The following ABHD2 variants were observed in gnomAD, a reference collection of about 807,000 sequenced individuals.
ABHD2 encodes monoacylglycerol lipase ABHD2.
ABHD2 carries 20 observed loss-of-function variants against 48.1 expected under a neutral mutation model. The ratio of observed to expected loss-of-function variants is 0.42; its 90% CI spans 0.29 to 0.60. ABHD2 has a LOEUF of 0.60. Ranked by LOEUF, ABHD2 falls within the 20% of genes least tolerant of loss-of-function variation. The probability of loss-of-function intolerance (pLI) is 0.24; values close to 1 mark genes in which losing one functional copy is unlikely to be tolerated. For missense variants in ABHD2, 405 were observed against 550.9 expected, an observed-to-expected ratio of 0.74 and a Z score of 2.65; for synonymous variants, 209 against 214.2, an observed-to-expected ratio of 0.98 and a Z score of 0.21.
the ABHD2 span, among the ~76,000 whole-genome samples, chr15:89,069,344 C>A: frequency 6.6e-6 from 1 of 151,838 alleles, no homozygotes; most frequent in Non-Finnish European, 1.5e-5. Flanking sequence ...CCAAGGCTGG[C>A]CTCAAACTCC....
rs2051168157 is a variant in ABHD2 at position 89,184,238 on chromosome 15, TG to T, written c.723-1184del. ...GGAAATGTTTGTCACTCCAAAACTG[TG>T]GAATTTTGCCATTCTAAAATTGTAG... is the stretch of plus-strand genomic sequence containing the variant. On this transcript the variant is annotated intron_variant, in intron 6 of 10. Transcript: ENST00000352732. This position sits in a 1 kb window ranked among gnomAD's most constrained non-coding sequence, Gnocchi z 5.1. 6.6e-6 allele frequency among the ~76,000 whole-genome samples: 1 copy of T among 152,206 alleles called. No homozygotes were observed. The highest frequency in any genetic ancestry group is 1.5e-5 in the Non-Finnish European group (1 of 68,050).
chr15:89,149,739 G>A (rs750383439), intron 3 of ABHD2, among the ~76,000 whole-genome samples: 5 of 152,370 alleles, frequency 3.3e-5, no homozygotes, highest in Non-Finnish European at 4.4e-5. Flanking sequence ...TCAACACCAC[G>A]TGTACCTGTT....
intron 5 of ABHD2, among the ~76,000 whole-genome samples, chr15:89,158,874 G>A (rs2050716705): frequency 6.6e-6 from 1 of 151,606 alleles, no homozygotes; most frequent in Non-Finnish European, 1.5e-5. Flanking sequence ...ATGTTGTCCA[G>A]GCTGGTCTCG....
intron 3 of ABHD2, among the ~76,000 whole-genome samples, chr15:89,129,601 C>T (rs1344125147): frequency 2.0e-5 from 3 of 151,954 alleles, no homozygotes; most frequent in African/African-American, 7.3e-5. Context: ...TCCAGGGGCC[C>T]AAGTGAGAGG....
chr15:89,116,273 C>T lies in ABHD2; in HGVS notation c.-6-49C>T. The T allele has an allele frequency of 1.3e-6, 2 of 1,555,826 alleles. No homozygotes were observed. The highest frequency in any genetic ancestry group is 1.8e-6 in the Non-Finnish European group (2 of 1,142,548). On this transcript the variant is annotated intron_variant, in intron 2 of 10. Coordinates refer to ENST00000352732, the MANE Select transcript of ABHD2 (RefSeq NM_152924.5). This position sits in a 1 kb window ranked among gnomAD's most constrained non-coding sequence, Gnocchi z 4.6. ...TGCGTCTGTAGGGTGGTGGGCACCA[C>T]CCGTCCTCACTGTGCTTGTAAACTT...
At chr15:89,057,779 AAAAAG>A in the ABHD2 span, among the ~76,000 whole-genome samples, 3 of 151,988 alleles carry the variant, frequency 2.0e-5, no homozygotes. Context: ...ATGAAAAAAA[AAAAAG>A]AAAGAAACAA....
chr15:89,178,833 C>T (rs2351253), intron 6 of ABHD2, among the ~76,000 whole-genome samples: 26,662 of 152,146 alleles, frequency 0.18, 2,780 homozygotes, highest in African/African-American at 0.28. Context: ...CTGACTAATT[C>T]CCTGCCTTCA....
intron 3 of ABHD2, among the ~76,000 whole-genome samples, chr15:89,119,658 C>G (rs1024755771): frequency 1.3e-5 from 2 of 152,112 alleles, no homozygotes; most frequent in African/African-American, 4.8e-5. Flanking sequence ...GGGAAGTGAA[C>G]AGGGACTTTT....
the ABHD2 span, among the ~76,000 whole-genome samples, chr15:89,053,446 T>G: frequency 6.6e-6 from 1 of 152,178 alleles, no homozygotes; most frequent in Admixed American, 6.5e-5. Context: ...CCAGGGACCC[T>G]TATAGAAACA....
At chr15:89,075,832 C>G in the ABHD2 span, among the ~76,000 whole-genome samples, 1 of 152,270 alleles carries the variant, frequency 6.6e-6, no homozygotes, top group Non-Finnish European at 1.5e-5. The surrounding 1 kb of genome is among the most constrained non-coding windows in gnomAD (Gnocchi z 4.1). Flanking sequence ...ATGGGGCAGG[C>G]TGTGAAATGG....
chr15:89,123,963 G>A (rs1010126873), intron 3 of ABHD2, among the ~76,000 whole-genome samples: 119 of 152,062 alleles, frequency 7.8e-4, no homozygotes, highest in African/African-American at 2.7e-3. Flanking sequence ...CTCTCAAACA[G>A]TACCAACTCC....
chr15:89,084,195 A>G (rs1331999854), upstream of ABHD2, among the ~76,000 whole-genome samples: 7 of 127,634 alleles, frequency 5.5e-5, no homozygotes, highest in Non-Finnish European at 9.6e-5. The surrounding 1 kb of genome is among the most constrained non-coding windows in gnomAD (Gnocchi z 4.4). Context: ...CCAGGTGGTG[A>G]GATTTTGCTA....
rs578035933 is a variant in ABHD2, at chr15:89,168,521, C to T, written c.539-7291C>T. On this transcript the variant is annotated intron_variant, in intron 5 of 10. Coordinates refer to ENST00000352732, the MANE Select transcript of ABHD2 (RefSeq NM_152924.5). This position sits in a 1 kb window ranked among gnomAD's most constrained non-coding sequence, Gnocchi z 4.8. ...GCTGGGCACCATGTCTTTGCCCTTC[C>T]CTTGCATGGGAGAGGTGGCATCTCT... 5.0e-4 allele frequency among the ~76,000 whole-genome samples: 76 copies of T among 152,262 alleles called. 1 individual carries two copies. The highest frequency in any genetic ancestry group is 1.7e-3 in the African/African-American group (69 of 41,554).
chr15:89,070,725 C>G, the ABHD2 span, among the ~76,000 whole-genome samples: 3 of 152,100 alleles, frequency 2.0e-5, no homozygotes, highest in Non-Finnish European at 2.9e-5. Context: ...GTGGGCAAGC[C>G]TCTAGAATAG....
chr15:89,045,085 G>A, the ABHD2 span, among the ~76,000 whole-genome samples: 1 of 152,184 alleles, frequency 6.6e-6, no homozygotes, highest in Admixed American at 6.5e-5. Context: ...TTTTGTATAA[G>A]GTGTAAGGAA....
rs1467572864 is a variant in ABHD2, at chr15:89,168,173, C to T, written c.539-7639C>T. The stretch of plus-strand genomic sequence containing the variant: ...TTCAGGCAGCCTTTGCCTTGTCCTT[C>T]TTTAGGTGTAGGGGCTTGAGAAAAA... On this transcript the variant is annotated intron_variant, in intron 5 of 10. Transcript: ENST00000352732. The surrounding 1 kb of genome is among the most constrained non-coding windows in gnomAD (Gnocchi z 4.8). Among the ~76,000 whole-genome samples the T allele has an allele frequency of 1.3e-5, 2 of 152,184 alleles. No homozygotes were observed. The highest frequency in any genetic ancestry group is 1.3e-4 in the Admixed American group (2 of 15,276).
At chr15:89,099,566 T>C (rs565815093) in intron 1 of ABHD2, among the ~76,000 whole-genome samples, 1 of 152,040 alleles carries the variant, frequency 6.6e-6, no homozygotes, top group East Asian at 1.9e-4. Context: ...TGAGCTATGA[T>C]TGCACCACTG....
At chr15:89,152,185 C>T (rs1379429550) in intron 4 of ABHD2, among the ~76,000 whole-genome samples, 2 of 152,044 alleles carry the variant, frequency 1.3e-5, no homozygotes, top group Non-Finnish European at 2.9e-5. Flanking sequence ...ACTCCATTCG[C>T]CTGCCTCAGC....
chr15:89,126,887 T>A (rs1335475758), intron 3 of ABHD2, among the ~76,000 whole-genome samples: 1 of 152,190 alleles, frequency 6.6e-6, no homozygotes, highest in Non-Finnish European at 1.5e-5. Context: ...GGGTCAGAAT[T>A]TATTAGATGG....
Sources: allele counts gnomAD v4.1 joint callset (sites outside exome capture counted in the v4.1 genomes callset), GRCh38; gene constraint gnomAD v4.1.1; non-coding constraint Gnocchi (gnomAD v3.1); transcripts MANE v1.5; gene names NCBI Gene and HGNC (gene_info 2026-07-23, HGNC 2026-07-21).